The following PSD3 variants were observed in gnomAD, a reference collection of about 807,000 sequenced individuals.
PSD3 encodes the protein PH and SEC7 domain-containing protein 3.
In PSD3, 49 loss-of-function variants were observed where a neutral mutation model predicts 105.5. The observed-to-expected ratio is 0.46, with a 90% CI of 0.37 to 0.59. PSD3 has a LOEUF of 0.59. Among genes scored for constraint, PSD3 ranks in the 20% least tolerant of loss-of-function variants. The pLI, the probability that PSD3 is intolerant of heterozygous loss-of-function variation, is 0.00. For synonymous variants in PSD3, 557 were observed against 457.8 expected (o/e 1.22, Z -2.77); for missense variants, 1,561 against 1,263.8 (o/e 1.24, Z -3.57).
At chr8:18,945,981 A>G (rs1822832200) in intron 1 of PSD3, among the ~76,000 whole-genome samples, 1 of 152,176 alleles carries the variant, frequency 6.6e-6, no homozygotes, top group African/African-American at 2.4e-5. Flanking sequence ...TCCAAAAAAA[A>G]TTAATAAATA....
At chr8:18,674,237 TA>T (rs1799949542) in intron 9 of PSD3, among the ~76,000 whole-genome samples, 1 of 152,134 alleles carries the variant, frequency 6.6e-6, no homozygotes, top group African/African-American at 2.4e-5. Flanking sequence ...TTAGAGGCTT[TA>T]AAGGGCTGTC....
At chr8:18,677,487 G>T (rs946493861) in intron 9 of PSD3, among the ~76,000 whole-genome samples, 1 of 152,222 alleles carries the variant, frequency 6.6e-6, no homozygotes, top group Non-Finnish European at 1.5e-5. Context: ...AGAGGTTACA[G>T]TGAGCCCAGG....
At chr8:18,735,665 T>G (rs1448299720) in intron 9 of PSD3, among the ~76,000 whole-genome samples, 2 of 152,134 alleles carry the variant, frequency 1.3e-5, no homozygotes, top group South Asian at 2.1e-4. Flanking sequence ...GCTTCAGTTT[T>G]CAGAATGAAT....
chr8:19,039,914 T>A (rs1365303306), intron 1 of PSD3, among the ~76,000 whole-genome samples: 1 of 152,178 alleles, frequency 6.6e-6, no homozygotes, highest in African/African-American at 2.4e-5. Flanking sequence ...TTATATGGTA[T>A]CAAGGAACAA....
intron 9 of PSD3, among the ~76,000 whole-genome samples, chr8:18,757,839 A>G (rs772770245): frequency 1.3e-5 from 2 of 152,208 alleles, no homozygotes. Context: ...AGTGTTTTTA[A>G]TACTGTTATA....
intron 9 of PSD3, among the ~76,000 whole-genome samples, chr8:18,734,990 T>C (rs1457262563): frequency 6.6e-6 from 1 of 152,210 alleles, no homozygotes; most frequent in East Asian, 1.9e-4. Context: ...GACTGTGCCC[T>C]TTATCCCCTT....
chr8:18,589,175 G>T (rs1055295288), intron 12 of PSD3, among the ~76,000 whole-genome samples: 6 of 152,150 alleles, frequency 3.9e-5, no homozygotes, highest in Non-Finnish European at 8.8e-5. Flanking sequence ...CAGAGTAGCT[G>T]ACTTATAAAC....
chr8:18,841,000 G>GT (rs760698343), intron 4 of PSD3, among the ~76,000 whole-genome samples: 1 of 152,140 alleles, frequency 6.6e-6, no homozygotes, highest in Non-Finnish European at 1.5e-5. Flanking sequence ...ACTACACTTG[G>GT]TAAGGTTATT....
intron 1 of PSD3, among the ~76,000 whole-genome samples, chr8:18,947,020 C>T (rs1182873765): frequency 1.3e-5 from 2 of 152,030 alleles, no homozygotes; most frequent in African/African-American, 4.8e-5. Flanking sequence ...GGGGAAGATG[C>T]TCGTGCTTGG....
chr8:19,061,724 G>T (rs1828902440), intron 1 of PSD3, among the ~76,000 whole-genome samples: 1 of 151,506 alleles, frequency 6.6e-6, no homozygotes, highest in African/African-American at 2.4e-5. Flanking sequence ...AGAATCGCTT[G>T]ACCCCAGGAG....
chr8:18,534,628 C>G lies in PSD3; in HGVS notation c.*1115G>C, dbSNP rs905748770. 1.3e-5 allele frequency: 2 copies of G among 152,190 alleles called. No homozygotes were observed. The highest frequency in any genetic ancestry group is 4.8e-5 in the African/African-American group (2 of 41,440). The allele number at this position is 152,190 out of a possible 1,614,324, so 9.4% of individuals were successfully genotyped here. ...CTCAGTTTTCCAACCATAATTCATT[C>G]TGACTACTACTTTCAGATATATTTT... On this transcript the variant is annotated 3_prime_UTR_variant, in exon 16 of 16. Transcript: ENST00000327040.
chr8:18,572,773 C>A (rs1180507077), intron 13 of PSD3, 101 bp from the exon 14 acceptor site: 1 of 1,305,796 alleles, frequency 7.7e-7, no homozygotes, highest in Admixed American at 1.9e-5. Flanking sequence ...ATGTGAAAAT[C>A]ATTTACTCCT....
intron 2 of PSD3, among the ~76,000 whole-genome samples, chr8:18,925,050 T>A (rs963644211): frequency 7.9e-5 from 12 of 152,138 alleles, no homozygotes; most frequent in South Asian, 2.1e-4. Context: ...ACGAATACAA[T>A]AGAAGACAGT....
chr8:18,671,973 T>TAATTTATC (rs894934959), intron 9 of PSD3, among the ~76,000 whole-genome samples: 4 of 152,206 alleles, frequency 2.6e-5, no homozygotes, highest in African/African-American at 7.2e-5. Flanking sequence ...TCTGAAACTG[T>TAATTTATC]AATTTATCAA....
At chr8:18,610,047 A>T (rs922412073) in intron 11 of PSD3, among the ~76,000 whole-genome samples, 1 of 152,204 alleles carries the variant, frequency 6.6e-6, no homozygotes, top group Non-Finnish European at 1.5e-5. Flanking sequence ...ATTCCTAATC[A>T]CTTATCTTTG....
chr8:18,598,685 T>A (rs1169428007), intron 12 of PSD3, among the ~76,000 whole-genome samples: 1 of 152,050 alleles, frequency 6.6e-6, no homozygotes, highest in Non-Finnish European at 1.5e-5. Flanking sequence ...CCTATTAGAA[T>A]AAATAAATTC....
chr8:18,774,874 C>T, intron 8 of PSD3: 1 of 456,188 alleles, frequency 2.2e-6, no homozygotes, highest in Non-Finnish European at 4.4e-6. Flanking sequence ...TTAGCAGCTC[C>T]TCTTCCTTCT....
chr8:18,601,051 G>A (rs1375675065), intron 11 of PSD3, among the ~76,000 whole-genome samples: 1 of 152,138 alleles, frequency 6.6e-6, no homozygotes, highest in Non-Finnish European at 1.5e-5. Flanking sequence ...TGTATGACTT[G>A]ACAGGAGGTA....
intron 4 of PSD3, among the ~76,000 whole-genome samples, chr8:18,833,135 G>C (rs1036994519): frequency 9.2e-5 from 14 of 152,332 alleles, no homozygotes; most frequent in African/African-American, 3.4e-4. Context: ...CCTAGTCTAA[G>C]GACATCAGCC....
Sources: allele counts gnomAD v4.1 joint callset (sites outside exome capture counted in the v4.1 genomes callset), GRCh38; gene constraint gnomAD v4.1.1; transcripts MANE v1.5; gene names NCBI Gene and HGNC (gene_info 2026-07-23, HGNC 2026-07-21).